Variants in USP24 observed in about 807,000 individuals in gnomAD.
The protein encoded by USP24 is ubiquitin specific peptidase 24.
USP24 carries 97 observed loss-of-function variants against 361.6 expected under a neutral mutation model. That is an observed-to-expected ratio of 0.27 (90% CI 0.23 to 0.32). USP24 has a LOEUF of 0.32. Among genes scored for constraint, USP24 ranks in the 10% least tolerant of loss-of-function variants. The pLI, the probability that USP24 is intolerant of heterozygous loss-of-function variation, is 1.00. For synonymous variants in USP24, 1,098 were observed against 1,124.6 expected, an observed-to-expected ratio of 0.98 and a Z score of 0.47; for missense variants, 2,353 against 3,165.6, an observed-to-expected ratio of 0.74 and a Z score of 6.16.
intron 1 of USP24, among the ~76,000 whole-genome samples, chr1:55,201,600 CAAAAAAAAAAAAAAAAAA>C (rs56659823): frequency 2.8e-5 from 1 of 35,448 alleles, no homozygotes; most frequent in African/African-American, 1.6e-4. Context: ...GACTCCATCT[CAAAAAAAAAAAAAAAAAA>C]AAAAAAAAAA....
Position 55,185,878 on chromosome 1 carries a change from T to C in USP24, c.325-7746A>G, listed in dbSNP as rs552737165. On this transcript the variant is annotated intron_variant, in intron 1 of 67. Transcript: ENST00000294383. ...GCCACCTCGCCAGGCCAAGAAAACATTACCACTGACCTTACAGAAATAAAT... is the reference window on the plus strand; with the variant it reads ...GCCACCTCGCCAGGCCAAGAAAACACTACCACTGACCTTACAGAAATAAAT... Among the ~76,000 whole-genome samples, 272 of 152,200 alleles carry C rather than the reference T, an allele frequency of 1.8e-3. 1 individual carries two copies. Among genetic ancestry groups the C allele is most frequent in the African/African-American group, 6.3e-3 (261 of 41,530 alleles).
chr1:55,154,531 A>T, intron 13 of USP24, 65 bp from the exon 14 acceptor site: 2 of 1,513,856 alleles, frequency 1.3e-6, no homozygotes, highest in South Asian at 1.2e-5. Flanking sequence ...CAAAAATTTT[A>T]AACTTGAGCT....
chr1:55,165,982 T>C lies in USP24; in HGVS notation c.862-32A>G, dbSNP rs761069925. 1.9e-6 allele frequency: 3 copies of C among 1,581,588 alleles called. No individual in the cohort carries two copies. In the East Asian group the frequency reaches 6.9e-5, roughly 36 times the overall value. ...AGAAAAAAGGCACACATTAAGTTATTTTTCTCTTTAATTTTTTTATTTTGA... is the reference window on the plus strand; with the variant it reads ...AGAAAAAAGGCACACATTAAGTTATCTTTCTCTTTAATTTTTTTATTTTGA... On this transcript the variant is annotated intron_variant, in intron 6 of 67. Coordinates refer to ENST00000294383, the MANE Select transcript of USP24 (RefSeq NM_015306.3).
intron 30 of USP24, among the ~76,000 whole-genome samples, chr1:55,133,488 A>G (rs879513528): frequency 1.3e-4 from 20 of 152,148 alleles, no homozygotes; most frequent in African/African-American, 4.3e-4. Context: ...TTGGCTTCCT[A>G]ATATATAACA....
In USP24 at chr1:55,176,507, T is replaced by C. The variant is rs566695283; in HGVS notation, c.491-64A>G. On this transcript the variant is annotated intron_variant, in intron 2 of 67. Coordinates refer to ENST00000294383, the MANE Select transcript of USP24 (RefSeq NM_015306.3). ...CAGACTCAGAAAGACCTTAGTAAAA[T>C]GAATGAAATAATACACGTTATTTAG... 4.4e-5 allele frequency: 63 copies of C among 1,424,346 alleles called. No homozygotes were observed. In the South Asian group the frequency reaches 7.7e-4, roughly 17 times the overall value. The allele number at this position is 1,424,346 out of a possible 1,614,324, so 88.2% of individuals were successfully genotyped here.
At chr1:55,090,183 A>T (rs1472273444) in intron 54 of USP24, among the ~76,000 whole-genome samples, 1 of 150,094 alleles carries the variant, frequency 6.7e-6, no homozygotes, top group Non-Finnish European at 1.5e-5. Context: ...CTTATGGAAT[A>T]AAAAAAAAAT....
chr1:55,171,413 A>G, intron 5 of USP24, 143 bp downstream of exon 5: 1 of 1,022,752 alleles, frequency 9.8e-7, no homozygotes, highest in Non-Finnish European at 1.4e-6. Flanking sequence ...AAAAAAATGT[A>G]GGCAATTTTA....
In USP24 at chr1:55,068,383, C is replaced by T. The variant is rs560855838; in HGVS notation, c.*662G>A. 6.6e-6 allele frequency: 1 copy of T among 152,314 alleles called. No individual in the cohort carries two copies. The highest frequency in any genetic ancestry group is 1.9e-4 in the East Asian group (1 of 5,192). 9.4% of individuals were successfully genotyped at this position (152,314 alleles called of 1,614,324 possible). A position where few individuals can be genotyped will look rare whatever the true frequency, so the allele number is the denominator to read the frequency against. On this transcript the variant is annotated 3_prime_UTR_variant, in exon 68 of 68. Coordinates refer to ENST00000294383, the MANE Select transcript of USP24 (RefSeq NM_015306.3). ...TCTAATTATATCAGAAAAATATCTT[C>T]AAGAGCTTAGTATTTCCCAATTTTT...
chr1:55,098,374 G>T (rs760307036), intron 46 of USP24, 102 bp downstream of exon 46: 1 of 1,037,592 alleles, frequency 9.6e-7, no homozygotes, highest in South Asian at 1.7e-5. Flanking sequence ...TTGACAGGGA[G>T]AGAGTTCTAA....
chr1:55,134,280 A>G, intron 29 of USP24, 48 bp downstream of exon 29: 3 of 1,585,664 alleles, frequency 1.9e-6, no homozygotes, highest in Non-Finnish European at 2.6e-6. Context: ...TGGCTCCCTA[A>G]TGTTAGTAAC....
Position 55,083,782 on chromosome 1 carries a change from A to G in USP24, c.6872T>C (p.Phe2291Ser). 6.3e-7 allele frequency: 1 copy of G among 1,586,488 alleles called. No individual in the cohort carries two copies. Among genetic ancestry groups the G allele is most frequent in the African/African-American group, 1.3e-5 (1 of 74,324 alleles). ...AAAAAAATTATTTACCTTTTGTACA[A>G]AAGTGTTGAACAGGAAAAAGTACTG... ...CAQYFFLFNT[F>S]VQKQGIRAGD... The change falls in exon 57 of 68, where the codon TTT becomes TCT. Residue 2291 changes from phenylalanine to serine, a missense_variant. Physicochemically the swap from Phe to Ser is radical, Grantham distance 155. Around this residue, in one of 8 missense-constraint regions of USP24, gnomAD observed 598 missense variants for 761.9 expected, o/e 0.78. Coordinates refer to ENST00000294383, the MANE Select transcript of USP24 (RefSeq NM_015306.3).
chr1:55,212,709 C>T (rs1644877115), intron 1 of USP24, among the ~76,000 whole-genome samples: 1 of 152,170 alleles, frequency 6.6e-6, no homozygotes, highest in Non-Finnish European at 1.5e-5. Context: ...AAGTCTCAGC[C>T]TGCCAACCTC....
intron 37 of USP24, 118 bp from the exon 38 acceptor site, chr1:55,120,874 T>C (rs529284163): frequency 3.6e-4 from 454 of 1,258,782 alleles, no homozygotes; most frequent in Non-Finnish European, 4.4e-4. Context: ...TGAAGGATAC[T>C]AGAAAGGTAT....
chr1:55,169,787 C>A (rs888265350), intron 5 of USP24, among the ~76,000 whole-genome samples: 3 of 152,006 alleles, frequency 2.0e-5, no homozygotes, highest in African/African-American at 7.3e-5. Context: ...CAAGACTTAC[C>A]CACAAACAGA....
intron 28 of USP24, among the ~76,000 whole-genome samples, chr1:55,136,624 T>C (rs1359809954): frequency 2.0e-5 from 3 of 152,114 alleles, no homozygotes; most frequent in East Asian, 1.9e-4. Context: ...GGATTGTCGA[T>C]GGATTCTGAA....
chr1:55,163,681 T>C (rs1364544479), intron 7 of USP24, among the ~76,000 whole-genome samples: 2 of 152,136 alleles, frequency 1.3e-5, no homozygotes, highest in African/African-American at 4.8e-5. Flanking sequence ...CATTTAGCAC[T>C]GTCAATTATA....
chr1:55,124,058 A>C (rs1646357655), intron 35 of USP24, among the ~76,000 whole-genome samples: 1 of 152,244 alleles, frequency 6.6e-6, no homozygotes, highest in African/African-American at 2.4e-5. Flanking sequence ...GAGCAGGAAG[A>C]CCAAATAAAG....
In USP24 at chr1:55,125,762, CAA is replaced by C; in HGVS notation, c.3636-6_3636-5del. The C allele has an allele frequency of 6.4e-7, 1 of 1,557,332 alleles. No individual in the cohort carries two copies. Among genetic ancestry groups the C allele is most frequent in the Non-Finnish European group, 8.7e-7 (1 of 1,151,840 alleles). ...CTGCATGACATTTACAACCAAACTTCAAAAAGAAGAAAAAAAGGCAGGATATT... is the reference window on the plus strand; with the variant it reads ...CTGCATGACATTTACAACCAAACTTCAAAGAAGAAAAAAAGGCAGGATATT... On this transcript the variant is annotated splice_region_variant and splice_polypyrimidine_tract_variant and intron_variant, in intron 32 of 67. Transcript: ENST00000294383.
In USP24 at chr1:55,165,913, T is replaced by C. The variant is rs191931304; in HGVS notation, c.899A>G (p.Lys300Arg). Reference sequence around the variant, plus strand: ...AAGTTCTATATCTTCTGAATGGAGCTTGGCTTGGATTGCTGCAAATCCACC... The same window carrying C: ...AAGTTCTATATCTTCTGAATGGAGCCTGGCTTGGATTGCTGCAAATCCACC... ...ELGGFAAIQAKLHSEDIELGA... is the reference protein window; with the variant it reads ...ELGGFAAIQARLHSEDIELGA... Residue 300 changes from lysine (K) to arginine (R), a missense_variant, in exon 7 of 68, where the codon AAG (lysine) becomes AGG (arginine). Lys to Arg is a conservative substitution (Grantham distance 26, BLOSUM62 2). Coordinates refer to ENST00000294383, the MANE Select transcript of USP24 (RefSeq NM_015306.3). The C allele has an allele frequency of 3.1e-4, 504 of 1,607,792 alleles. 1 individual carries two copies. The African/African-American group carries it at 5.8e-3, about 19-fold the overall frequency.
Sources: allele counts gnomAD v4.1 joint callset (sites outside exome capture counted in the v4.1 genomes callset), GRCh38; gene constraint gnomAD v4.1.1; regional missense constraint gnomAD v4.1.1; transcripts MANE v1.5; gene names NCBI Gene and HGNC (gene_info 2026-07-23, HGNC 2026-07-21).